PAX7: variants seen among roughly 807,000 people sequenced by gnomAD.
PAX7 encodes paired box protein Pax-7.
Under a neutral mutation model 50.7 loss-of-function variants are expected in PAX7, and 18 were observed. The ratio of observed to expected loss-of-function variants is 0.36; its 90% CI spans 0.25 to 0.53. The LOEUF is 0.53. Ranked by LOEUF, PAX7 falls within the 20% of genes least tolerant of loss-of-function variation. The pLI is 0.93. For missense variants in PAX7, 644 were observed against 702.9 expected (o/e 0.92, Z 0.95); for synonymous variants, 310 against 290.4 (o/e 1.07, Z -0.69).
chr1:18,650,418 G>GAGCAGCTGGCTTGCAATGCCATC (rs1467242504), intron 4 of PAX7, among the ~76,000 whole-genome samples: 3 of 152,224 alleles, frequency 2.0e-5, no homozygotes, highest in Admixed American at 1.3e-4. Context: ...GGGCCTGGTG[G>GAGCAGCTGGCTTGCAATGCCATC]AGCAGCTGGC....
intron 4 of PAX7, among the ~76,000 whole-genome samples, chr1:18,640,940 G>GCCA (rs2088243364): frequency 6.6e-6 from 1 of 152,084 alleles, no homozygotes; most frequent in African/African-American, 2.4e-5. Flanking sequence ...GCGAGGGGCC[G>GCCA]AGCCCACACT....
chr1:18,651,124 T>G (rs1570123207), intron 4 of PAX7, among the ~76,000 whole-genome samples: 1 of 152,104 alleles, frequency 6.6e-6, no homozygotes, highest in East Asian at 1.9e-4. Flanking sequence ...GCTTCCCCTC[T>G]CTCAGCCTTA....
At position 18,632,604 on chromosome 1, in the gene PAX7, C is replaced by T. The variant is rs1048126342; in HGVS notation, c.85+916C>T. ...TCATTTGGCTTCTGAGGGTAGGTAG[C>T]CTAGGGTGTCACAGAGAAGTCATTA... On this transcript the variant is annotated intron_variant, in intron 1 of 8. Coordinates refer to ENST00000420770, the MANE Select transcript of PAX7 (RefSeq NM_001135254.2). The surrounding 1 kb of genome is among the most constrained non-coding windows in gnomAD (Gnocchi z 6.3). 6.6e-6 allele frequency among the ~76,000 whole-genome samples: 1 copy of T among 152,076 alleles called. No homozygotes were observed. The highest frequency in any genetic ancestry group is 1.5e-5 in the Non-Finnish European group (1 of 68,030).
At position 18,640,198 on chromosome 1, in the gene PAX7, G is replaced by A. The variant is rs2088229462; in HGVS notation, c.586+3827G>A. Among the ~76,000 whole-genome samples the A allele has an allele frequency of 2.6e-5, 4 of 152,162 alleles. No homozygotes were observed. The South Asian group carries it at 8.3e-4, about 32-fold the overall frequency. ...AATGACGGGGAAGGATCGGAAAGGA[G>A]GGGAGAGCCCGGAGTGTCGGTTTTA... On this transcript the variant is annotated intron_variant, in intron 4 of 8. Coordinates refer to ENST00000420770, the MANE Select transcript of PAX7 (RefSeq NM_001135254.2).
chr1:18,699,727 A>AT (rs370948240), intron 5 of PAX7, among the ~76,000 whole-genome samples: 7 of 151,812 alleles, frequency 4.6e-5, no homozygotes, highest in African/African-American at 1.5e-4. Flanking sequence ...TGCCCGGCTA[A>AT]TTTTTTTGTA....
At chr1:18,645,465 C>T (rs951433496) in intron 4 of PAX7, among the ~76,000 whole-genome samples, 1 of 152,190 alleles carries the variant, frequency 6.6e-6, no homozygotes, top group African/African-American at 2.4e-5. Flanking sequence ...TCCATGGGAC[C>T]CAGACCCTAC....
At chr1:18,685,533 G>A (rs1163010845) in intron 4 of PAX7, among the ~76,000 whole-genome samples, 1 of 152,242 alleles carries the variant, frequency 6.6e-6, no homozygotes, top group Non-Finnish European at 1.5e-5. Flanking sequence ...GATGGGCCCA[G>A]GAAGCCTTGC....
In PAX7 at chr1:18,632,566, T is replaced by C. The variant is rs1363387753; in HGVS notation, c.85+878T>C. ...TTTAAACTAATGGAAGGCCTCAACC[T>C]GTCACTGAGGGATCATTTGGCTTCT... is the stretch of plus-strand genomic sequence containing the variant. On this transcript the variant is annotated intron_variant, in intron 1 of 8. Transcript: ENST00000420770. The surrounding 1 kb of genome is among the most constrained non-coding windows in gnomAD (Gnocchi z 6.3). Among the ~76,000 whole-genome samples the C allele has an allele frequency of 6.6e-6, 1 of 152,200 alleles. No individual in the cohort carries two copies. The highest frequency in any genetic ancestry group is 1.5e-5 in the Non-Finnish European group (1 of 68,038).
chr1:18,653,488 G>T (rs147424338), intron 4 of PAX7, among the ~76,000 whole-genome samples: 2 of 152,246 alleles, frequency 1.3e-5, no homozygotes, highest in East Asian at 3.9e-4. Flanking sequence ...TGTGCTGGTG[G>T]CTGTGTTCCT....
At chr1:18,710,425 T>C (rs1034782181) in intron 7 of PAX7, among the ~76,000 whole-genome samples, 2 of 151,968 alleles carry the variant, frequency 1.3e-5, no homozygotes, top group African/African-American at 4.8e-5. Flanking sequence ...TTGGCGACAC[T>C]GCGTTTATAA....
At chr1:18,743,399 G>A (rs527352644) in intron 8 of PAX7, among the ~76,000 whole-genome samples, 5 of 152,312 alleles carry the variant, frequency 3.3e-5, no homozygotes, top group African/African-American at 4.8e-5. Context: ...CAGGCCGTGC[G>A]TATCACCTTT....
At chr1:18,713,055 C>T (rs564410889) in intron 7 of PAX7, among the ~76,000 whole-genome samples, 3 of 152,084 alleles carry the variant, frequency 2.0e-5, no homozygotes, top group Non-Finnish European at 4.4e-5. Flanking sequence ...GCCTTCAAGC[C>T]GGGGCAACAG....
intron 4 of PAX7, among the ~76,000 whole-genome samples, chr1:18,673,083 G>A (rs1030181679): frequency 6.6e-6 from 1 of 152,122 alleles, no homozygotes; most frequent in Admixed American, 6.5e-5. Context: ...GAGTGGCAAG[G>A]GGTCTGTAGC....
At chr1:18,676,652 C>T (rs2088826193) in intron 4 of PAX7, among the ~76,000 whole-genome samples, 1 of 152,136 alleles carries the variant, frequency 6.6e-6, no homozygotes, top group Non-Finnish European at 1.5e-5. Flanking sequence ...ATTGGTCCTT[C>T]CCCTCCCCCA....
intron 7 of PAX7, among the ~76,000 whole-genome samples, chr1:18,728,276 C>T (rs995882214): frequency 2.6e-5 from 4 of 151,920 alleles, no homozygotes; most frequent in African/African-American, 4.8e-5. Context: ...CTGTGGCCAG[C>T]GGGATGGGTG....
chr1:18,720,939 G>A (rs1020125632), intron 7 of PAX7, among the ~76,000 whole-genome samples: 4 of 152,010 alleles, frequency 2.6e-5, no homozygotes, highest in African/African-American at 4.8e-5. Flanking sequence ...TTGAGGGCTC[G>A]GAGGAGAGGG....
intron 7 of PAX7, among the ~76,000 whole-genome samples, chr1:18,730,168 C>T (rs1236104418): frequency 2.0e-5 from 3 of 152,180 alleles, no homozygotes; most frequent in Non-Finnish European, 4.4e-5. Context: ...TTAATCCTTA[C>T]AATAACTCTC....
At chr1:18,718,708 T>TC (rs1570221905) in intron 7 of PAX7, among the ~76,000 whole-genome samples, 1 of 151,710 alleles carries the variant, frequency 6.6e-6, no homozygotes, top group East Asian at 1.9e-4. Context: ...AGTGGCTCGA[T>TC]CTCAGCTCAC....
At chr1:18,732,532 G>A (rs756861898) in intron 7 of PAX7, among the ~76,000 whole-genome samples, 48 of 152,290 alleles carry the variant, frequency 3.2e-4, no homozygotes, top group Admixed American at 6.5e-5. Flanking sequence ...CTTGTTGGAC[G>A]AATACGTGAA....
Sources: allele counts gnomAD v4.1 joint callset (sites outside exome capture counted in the v4.1 genomes callset), GRCh38; gene constraint gnomAD v4.1.1; non-coding constraint Gnocchi (gnomAD v3.1); transcripts MANE v1.5; gene names NCBI Gene and HGNC (gene_info 2026-07-23, HGNC 2026-07-21).